Variants in ATP4A observed in about 807,000 individuals in gnomAD.
ATP4A encodes the protein potassium-transporting ATPase alpha chain 1.
ATP4A carries 73 observed loss-of-function variants against 112.1 expected under a neutral mutation model. That is an observed-to-expected ratio of 0.65 (90% CI 0.54 to 0.79). The LOEUF (loss-of-function observed/expected upper bound fraction) is 0.79, where lower values mean the gene tolerates loss of function less well. ATP4A is among the 30% of genes least tolerant of loss of function. The probability of loss-of-function intolerance (pLI) is 0.00; values close to 1 mark genes in which losing one functional copy is unlikely to be tolerated. For missense variants in ATP4A, 1,081 were observed against 1,425.9 expected (o/e 0.76, Z 3.90); for synonymous variants, 588 against 588.9 (o/e 1.00, Z 0.02).
At position 35,563,487 on chromosome 19, in the gene ATP4A, G is replaced by A; in HGVS notation, c.53C>T (p.Pro18Leu). The change falls in exon 2 of 22, where the codon CCT (proline) becomes CTT (leucine). Residue 18 changes from proline to leucine, a missense_variant. This residue lies in a region of ATP4A where 850 missense variants were observed against 1,068.2 expected (regional missense o/e 0.80). Transcript: ENST00000262623. ...ELYSVELGPG[P>L]GGDMAAKMSK... ...CATCTTGGCAGCCATGTCCCCGCCAGGGCCAGGACCCAGCTCCACCGAGTA... is the reference window on the plus strand; with the variant it reads ...CATCTTGGCAGCCATGTCCCCGCCAAGGCCAGGACCCAGCTCCACCGAGTA... 1 of 1,610,808 alleles carries A rather than the reference G, an allele frequency of 6.2e-7. No individual in the cohort carries two copies. The highest frequency in any genetic ancestry group is 1.1e-5 in the South Asian group (1 of 91,010).
chr19:35,555,624 T>G lies in ATP4A; in HGVS notation c.2007-34A>C, dbSNP rs570878591. 1.6e-5 allele frequency: 25 copies of G among 1,579,280 alleles called. No homozygotes were observed. The highest frequency in any genetic ancestry group is 2.2e-5 in the Non-Finnish European group (25 of 1,155,760). On this transcript the variant is annotated intron_variant, in intron 13 of 21. Coordinates refer to ENST00000262623, the MANE Select transcript of ATP4A (RefSeq NM_000704.3). This position sits in a 1 kb window ranked among gnomAD's most constrained non-coding sequence, Gnocchi z 6.6. The stretch of plus-strand genomic sequence containing the variant: ...GAGATGGGAGGACCTCGCTGGGACC[T>G]CGGTCTGTGCCAGATGTGGGGAGAA...
rs766665156 is a variant in ATP4A, at chr19:35,554,916, A to G, written c.2481+6T>C. ...TGTGGATGGGTACCCTGGGCTGTGG[A>G]CTTACAATGTCAGTGCAGAGTTCGA... On this transcript the variant is annotated splice_donor_region_variant and intron_variant, in intron 16 of 21. Transcript: ENST00000262623. 6.2e-7 allele frequency: 1 copy of G among 1,613,944 alleles called. No homozygotes were observed. Among genetic ancestry groups the G allele is most frequent in the Non-Finnish European group, 8.5e-7 (1 of 1,179,988 alleles).
chr19:35,558,760 G>C lies in ATP4A; in HGVS notation c.1256-74C>G. The C allele has an allele frequency of 6.9e-7, 1 of 1,445,990 alleles. No individual in the cohort carries two copies. Among genetic ancestry groups the C allele is most frequent in the Non-Finnish European group, 9.2e-7 (1 of 1,082,554 alleles). The allele number at this position is 1,445,990 out of a possible 1,614,324, so 89.6% of individuals were successfully genotyped here. ...CCAGAACCGAGCCCCCTCCTCCTAGGCTCATATCGCGGGCCCCCTCCCCAG... is the reference window on the plus strand; with the variant it reads ...CCAGAACCGAGCCCCCTCCTCCTAGCCTCATATCGCGGGCCCCCTCCCCAG... On this transcript the variant is annotated intron_variant, in intron 8 of 21. Coordinates refer to ENST00000262623, the MANE Select transcript of ATP4A (RefSeq NM_000704.3). The surrounding 1 kb of genome is among the most constrained non-coding windows in gnomAD (Gnocchi z 5.1).
chr19:35,562,392 C>T, intron 4 of ATP4A, 43 bp downstream of exon 4: 2 of 1,589,470 alleles, frequency 1.3e-6, no homozygotes, highest in East Asian at 2.2e-5. Context: ...TCTTCCATCC[C>T]CAGGTCCCCA....
rs762081104 is a variant in ATP4A at position 35,550,594 on chromosome 19, T to C, written c.*21A>G. 2.5e-6 allele frequency: 4 copies of C among 1,613,810 alleles called. No individual in the cohort carries two copies. The South Asian group carries it at 4.4e-5, about 18-fold the overall frequency. The stretch of plus-strand genomic sequence containing the variant: ...CCACCTGCTGTGGCAGTTGCAGGGA[T>C]GCTTGAAGGCAGTCGTCCCTCTAAT... On this transcript the variant is annotated 3_prime_UTR_variant, in exon 22 of 22. Coordinates refer to ENST00000262623, the MANE Select transcript of ATP4A (RefSeq NM_000704.3). This position sits in a 1 kb window ranked among gnomAD's most constrained non-coding sequence, Gnocchi z 4.1.
chr19:35,562,103 G>T (rs1009501248), intron 4 of ATP4A, among the ~76,000 whole-genome samples: 1 of 151,910 alleles, frequency 6.6e-6, no homozygotes, highest in Non-Finnish European at 1.5e-5. Context: ...TGATCTGCCC[G>T]CCTCGGCCTC....
Position 35,551,377 on chromosome 19 carries a change from A to T in ATP4A, c.2885+70T>A, listed in dbSNP as rs2071600932. The T allele has an allele frequency of 6.2e-7, 1 of 1,609,282 alleles. No individual in the cohort carries two copies. Among genetic ancestry groups the T allele is most frequent in the African/African-American group, 1.3e-5 (1 of 74,854 alleles). Reference sequence around the variant, plus strand: ...CGCTGGCATTTGCCGGCTGTTCTAAACCACAGTCAGGATCTGATGGGAGTT... The same window carrying T: ...CGCTGGCATTTGCCGGCTGTTCTAATCCACAGTCAGGATCTGATGGGAGTT... On this transcript the variant is annotated intron_variant, in intron 19 of 21. Coordinates refer to ENST00000262623, the MANE Select transcript of ATP4A (RefSeq NM_000704.3). This position sits in a 1 kb window ranked among gnomAD's most constrained non-coding sequence, Gnocchi z 5.2.
chr19:35,550,413 C>T lies in ATP4A; in HGVS notation c.*202G>A. The T allele has an allele frequency of 1.5e-6, 1 of 668,610 alleles. No homozygotes were observed. Among genetic ancestry groups the T allele is most frequent in the South Asian group, 1.9e-5 (1 of 52,612 alleles). The allele number at this position is 668,610 out of a possible 1,614,324, so 41.4% of individuals were successfully genotyped here. ...AGAGGACTGCCCAGGCGCTGCTGCT[C>T]CAGGAGGTGCGAACCTTGGGAATGG... On this transcript the variant is annotated 3_prime_UTR_variant, in exon 22 of 22. Transcript: ENST00000262623. This position sits in a 1 kb window ranked among gnomAD's most constrained non-coding sequence, Gnocchi z 4.1.
Position 35,560,825 on chromosome 19 carries a change from C to A in ATP4A, c.528G>T (p.Val176=). ...TGGGTGCTGGGGAACCCACCTGTGG[C>A]ACAAGGTTCTTAAAGCTGGCGATGA... ...TNIIASFKNL[V]PQQATVIRDG... The change falls in exon 5 of 22, where the codon GTG becomes GTT. Residue 176 remains valine, a synonymous_variant. Transcript: ENST00000262623. This position sits in a 1 kb window ranked among gnomAD's most constrained non-coding sequence, Gnocchi z 5.1. 1 of 1,613,934 alleles carries A rather than the reference C, an allele frequency of 6.2e-7. No homozygotes were observed. The highest frequency in any genetic ancestry group is 8.5e-7 in the Non-Finnish European group (1 of 1,179,938).
chr19:35,561,788 C>A (rs2071672278), intron 4 of ATP4A, among the ~76,000 whole-genome samples: 1 of 151,646 alleles, frequency 6.6e-6, no homozygotes, highest in Admixed American at 6.6e-5. Flanking sequence ...TCTCCTATTC[C>A]CCGTGCCTCA....
At position 35,560,132 on chromosome 19, in the gene ATP4A, C is replaced by G; in HGVS notation, c.788-59G>C. 1 of 1,594,590 alleles carries G rather than the reference C, an allele frequency of 6.3e-7. No individual in the cohort carries two copies. Among genetic ancestry groups the G allele is most frequent in the East Asian group, 2.2e-5 (1 of 44,652 alleles). On this transcript the variant is annotated intron_variant, in intron 6 of 21. Coordinates refer to ENST00000262623, the MANE Select transcript of ATP4A (RefSeq NM_000704.3). The surrounding 1 kb of genome is among the most constrained non-coding windows in gnomAD (Gnocchi z 5.1). The stretch of plus-strand genomic sequence containing the variant: ...GGGGCGGCAGTGGGGTGTGCACTGC[C>G]GTGTGAGCTGAAGGACAGCCAGTCA...
At position 35,557,888 on chromosome 19, in the gene ATP4A, C is replaced by T. The variant is rs1248692874; in HGVS notation, c.1501-41G>A. On this transcript the variant is annotated intron_variant, in intron 10 of 21. Coordinates refer to ENST00000262623, the MANE Select transcript of ATP4A (RefSeq NM_000704.3). The surrounding 1 kb of genome is among the most constrained non-coding windows in gnomAD (Gnocchi z 4.4). ...AGAGGCGAGGCTGTGGACGGGGGAACGGGGCGGGGCTGTGGACGAGGGAAC... is the reference window on the plus strand; with the variant it reads ...AGAGGCGAGGCTGTGGACGGGGGAATGGGGCGGGGCTGTGGACGAGGGAAC... 6 of 474,436 alleles carry T rather than the reference C, an allele frequency of 1.3e-5. No individual in the cohort carries two copies. In the South Asian group the frequency reaches 2.1e-4, roughly 16 times the overall value. 29.4% of individuals were successfully genotyped at this position (474,436 alleles called of 1,614,324 possible).
Position 35,559,777 on chromosome 19 carries a change from C to G in ATP4A, c.1056+28G>C, listed in dbSNP as rs1305855555. 6.2e-7 allele frequency: 1 copy of G among 1,608,690 alleles called. No individual in the cohort carries two copies. Among genetic ancestry groups the G allele is most frequent in the Admixed American group, 1.7e-5 (1 of 59,656 alleles). On this transcript the variant is annotated intron_variant, in intron 7 of 21. Coordinates refer to ENST00000262623, the MANE Select transcript of ATP4A (RefSeq NM_000704.3). The surrounding 1 kb of genome is among the most constrained non-coding windows in gnomAD (Gnocchi z 4.1). The stretch of plus-strand genomic sequence containing the variant: ...AGATGGTTGAGCAGGCCCCTCAGCT[C>G]CCTGCATCCCCGCCTGCCCCCACTC...
In ATP4A at chr19:35,559,091, G is replaced by C; in HGVS notation, c.1157C>G (p.Ser386Trp). The C allele has an allele frequency of 1.2e-6, 2 of 1,614,188 alleles. No individual in the cohort carries two copies. Among genetic ancestry groups the C allele is most frequent in the Non-Finnish European group, 1.7e-6 (2 of 1,180,034 alleles). ...CTGAGTGAGAGTCCCTGTCTTGTCC[G>C]AGCAGATCACCGAAGTGGAGCCCAA... Reference protein sequence around the residue: ...ETLGSTSVICSDKTGTLTQNR... With the variant: ...ETLGSTSVICWDKTGTLTQNR... The change falls in exon 8 of 22, where the codon TCG (serine) becomes TGG (tryptophan). Residue 386 changes from serine to tryptophan, a missense_variant. Coordinates refer to ENST00000262623, the MANE Select transcript of ATP4A (RefSeq NM_000704.3). The surrounding 1 kb of genome is among the most constrained non-coding windows in gnomAD (Gnocchi z 4.1).
At chr19:35,553,282 G>A (rs546679101) in intron 17 of ATP4A, 100 bp from the exon 18 acceptor site, 4 of 1,379,934 alleles carry the variant, frequency 2.9e-6, no homozygotes, top group East Asian at 2.4e-5. Flanking sequence ...GATACACAAA[G>A]GTCAAGGACA....
At chr19:35,553,419 G>A (rs1002457033) in intron 17 of ATP4A, among the ~76,000 whole-genome samples, 3 of 152,114 alleles carry the variant, frequency 2.0e-5, no homozygotes, top group Non-Finnish European at 4.4e-5. Context: ...CAGAGAGACA[G>A]AGGCAGGGAC....
At position 35,560,896 on chromosome 19, in the gene ATP4A, C is replaced by A; in HGVS notation, c.457G>T (p.Val153Phe). 1 of 1,613,880 alleles carries A rather than the reference C, an allele frequency of 6.2e-7. No homozygotes were observed. The highest frequency in any genetic ancestry group is 2.2e-5 in the East Asian group (1 of 44,878). Residue 153 changes from valine to phenylalanine, a missense_variant, in exon 5 of 22, where the codon GTC becomes TTC. Coordinates refer to ENST00000262623, the MANE Select transcript of ATP4A (RefSeq NM_000704.3). This position sits in a 1 kb window ranked among gnomAD's most constrained non-coding sequence, Gnocchi z 5.1. ...TGGTAGTAGCCAAAGCAGCCGGTGA[C>A]GACAACCACAGCAATGAGAGCGATT... ...LAIALIAVVV[V>F]TGCFGYYQEF...
In ATP4A at chr19:35,559,320, C is replaced by T; in HGVS notation, c.1057-129G>A. ...GTGTGCAACGTGCTTCTGCAAACAC[C>T]AGGTGTTTTCTTGGCCCCAGCTTTT... On this transcript the variant is annotated intron_variant, in intron 7 of 21. Transcript: ENST00000262623. The surrounding 1 kb of genome is among the most constrained non-coding windows in gnomAD (Gnocchi z 4.1). The T allele has an allele frequency of 1.0e-6, 1 of 961,928 alleles. No individual in the cohort carries two copies. Among genetic ancestry groups the T allele is most frequent in the Non-Finnish European group, 1.6e-6 (1 of 638,280 alleles). The allele number at this position is 961,928 out of a possible 1,614,324, so 59.6% of individuals were successfully genotyped here.
Position 35,557,167 on chromosome 19 carries a change from C to T in ATP4A, c.1694-79G>A, listed in dbSNP as rs762369902. On this transcript the variant is annotated intron_variant, in intron 11 of 21. Coordinates refer to ENST00000262623, the MANE Select transcript of ATP4A (RefSeq NM_000704.3). This position sits in a 1 kb window ranked among gnomAD's most constrained non-coding sequence, Gnocchi z 4.4. ...AGGGCCAGGAAATGGGTAAAATAAC[C>T]AGGCCCCTTGCACCAAACACCTATG... The T allele has an allele frequency of 1.9e-5, 29 of 1,532,516 alleles. No individual in the cohort carries two copies. Among genetic ancestry groups the T allele is most frequent in the Non-Finnish European group, 2.5e-5 (28 of 1,117,886 alleles). The allele number at this position is 1,532,516 out of a possible 1,614,324, so 94.9% of individuals were successfully genotyped here.
Sources: allele counts gnomAD v4.1 joint callset (sites outside exome capture counted in the v4.1 genomes callset), GRCh38; gene constraint gnomAD v4.1.1; regional missense constraint gnomAD v4.1.1; non-coding constraint Gnocchi (gnomAD v3.1); transcripts MANE v1.5; gene names NCBI Gene and HGNC (gene_info 2026-07-23, HGNC 2026-07-21).